Variants in BMX observed in about 807,000 individuals in gnomAD.
BMX encodes BMX non-receptor tyrosine kinase.
A neutral mutation model predicts 59.2 loss-of-function variants in BMX; 31 were observed. That is an observed-to-expected ratio of 0.52 (90% CI 0.39 to 0.71). BMX has a LOEUF of 0.71. Ranked by LOEUF, BMX falls within the 30% of genes least tolerant of loss-of-function variation. The pLI is 0.00. For missense variants in BMX, 474 were observed against 491.7 expected (o/e 0.96, Z 0.34); for synonymous variants, 185 against 181.0 (o/e 1.02, Z -0.18).
Position 15,556,233 on chromosome X carries a change from G to T in BMX, c.*86G>T. 2.3e-6 allele frequency: 2 copies of T among 871,651 alleles called. No homozygotes were observed. Among genetic ancestry groups the T allele is most frequent in the Non-Finnish European group, 3.2e-6 (2 of 626,567 alleles). The allele number at this position is 871,651 out of a possible 1,213,427, so 71.8% of individuals were successfully genotyped here. On this transcript the variant is annotated 3_prime_UTR_variant, in exon 19 of 19. Coordinates refer to ENST00000348343, the MANE Select transcript of BMX (RefSeq NM_203281.3). ...TTTAAGGAAAGTAGCAAGGCATAATGTAATTTAGCTAGTTTTTAATAGTGT... is the reference window on the plus strand; with the variant it reads ...TTTAAGGAAAGTAGCAAGGCATAATTTAATTTAGCTAGTTTTTAATAGTGT...
intron 12 of BMX, 107 bp downstream of exon 12, chrX:15,534,446 G>T: frequency 1.4e-6 from 1 of 723,249 alleles, no homozygotes; most frequent in Non-Finnish European, 1.8e-6. Flanking sequence ...AACCATGAAA[G>T]TAGGAAAAAA....
chrX:15,531,312 T>A lies in BMX; in HGVS notation c.940-16T>A, dbSNP rs1175005016. On this transcript the variant is annotated splice_polypyrimidine_tract_variant and intron_variant, in intron 10 of 18. Transcript: ENST00000348343. The stretch of plus-strand genomic sequence containing the variant: ...AAAATATTTTCTATTCCTTCTATAT[T>A]TTCCTTCCTTTTCAGGGAAAAGAAG... 2 of 1,168,409 alleles carry A rather than the reference T, an allele frequency of 1.7e-6. No homozygotes were observed. Among genetic ancestry groups the A allele is most frequent in the Admixed American group, 2.2e-5 (1 of 44,993 alleles).
chrX:15,519,847 A>G (rs778201722), intron 6 of BMX, among the ~76,000 whole-genome samples: 1 of 111,695 alleles, frequency 9.0e-6, no homozygotes, highest in East Asian at 2.8e-4. Flanking sequence ...TTCAACAACC[A>G]GCTCTCATGG....
Position 15,547,029 on chromosome X carries a change from C to T in BMX, c.1795+108C>T, listed in dbSNP as rs778055339. On this transcript the variant is annotated intron_variant, in intron 17 of 18. Coordinates refer to ENST00000348343, the MANE Select transcript of BMX (RefSeq NM_203281.3). The stretch of plus-strand genomic sequence containing the variant: ...TTTTAAAAGGGCCCTTGAACACTTA[C>T]GAAGTTACACATATAGCCTGAGAGA... 8.1e-6 allele frequency: 5 copies of T among 615,330 alleles called. No homozygotes were observed. The East Asian group carries it at 1.0e-4, about 13-fold the overall frequency. The allele number at this position is 615,330 out of a possible 1,213,427, so 50.7% of individuals were successfully genotyped here.
At position 15,522,519 on chromosome X, in the gene BMX, A is replaced by G; in HGVS notation, c.684A>G (p.Pro228=). ...CAAAGAAAATCTATGGCTCCCAGCC[A>G]AACTTCAACATGCAGTATATTCCAA... The part of the protein sequence containing the change: ...SNSKKIYGSQ[P]NFNMQYIPRE... Residue 228 remains proline (P), a synonymous_variant, in exon 7 of 19, where the codon CCA becomes CCG. Coordinates refer to ENST00000348343, the MANE Select transcript of BMX (RefSeq NM_203281.3). 8.2e-7 allele frequency: 1 copy of G among 1,212,247 alleles called. No individual in the cohort carries two copies. Among genetic ancestry groups the G allele is most frequent in the East Asian group, 3.0e-5 (1 of 33,837 alleles).
intron 18 of BMX, among the ~76,000 whole-genome samples, chrX:15,550,448 A>T (rs889979088): frequency 9.0e-6 from 1 of 110,779 alleles, no homozygotes; most frequent in African/African-American, 3.3e-5. Context: ...CGTAGAGAAC[A>T]CATAATGGAC....
chrX:15,501,421 C>T (rs1193848836), intron 1 of BMX, among the ~76,000 whole-genome samples: 1 of 112,223 alleles, frequency 8.9e-6, no homozygotes, highest in Non-Finnish European at 1.9e-5. Flanking sequence ...CTGAGGTCTC[C>T]CTAAATCAAG....
chrX:15,518,995 C>A (rs1297810221), intron 6 of BMX, among the ~76,000 whole-genome samples: 1 of 111,953 alleles, frequency 8.9e-6, no homozygotes, highest in African/African-American at 3.2e-5. Flanking sequence ...AGAAAACAAA[C>A]AAAACCTTGA....
intron 11 of BMX, 102 bp from the exon 12 acceptor site, chrX:15,534,110 C>A: frequency 2.5e-6 from 2 of 787,599 alleles, no homozygotes; most frequent in South Asian, 7.4e-5. Context: ...CCCTGACTTC[C>A]CTCTCCAAAA....
intron 14 of BMX, among the ~76,000 whole-genome samples, chrX:15,539,372 A>G (rs1314943420): frequency 8.9e-6 from 1 of 111,919 alleles, no homozygotes; most frequent in Non-Finnish European, 1.9e-5. Flanking sequence ...GCTGAAGCCT[A>G]TCATGTGGGG....
rs1276083449 is a variant in BMX at position 15,534,289 on chromosome X, G to A, written c.1097G>A (p.Cys366Tyr). ...ENKLYLAENY[C>Y]FDSIPKLIHY... is the part of the protein sequence containing the mutation. ...AAATTATACCTGGCAGAAAACTACT[G>A]TTTTGATTCCATTCCAAAGCTTATT... is the stretch of plus-strand genomic sequence containing the variant. The change falls in exon 12 of 19, where the codon TGT (cysteine) becomes TAT (tyrosine). Residue 366 changes from cysteine to tyrosine, a missense_variant. Physicochemically the swap from Cys to Tyr is radical, Grantham distance 194 (BLOSUM62 -2). Transcript: ENST00000348343. 8.3e-7 allele frequency: 1 copy of A among 1,197,769 alleles called. No homozygotes were observed. Among genetic ancestry groups the A allele is most frequent in the Admixed American group, 2.3e-5 (1 of 44,347 alleles).
chrX:15,553,522 G>A (rs1243456948), intron 18 of BMX, among the ~76,000 whole-genome samples: 4 of 111,925 alleles, frequency 3.6e-5, no homozygotes, highest in African/African-American at 1.3e-4. Context: ...GTTGTGTGTT[G>A]TCAGTAGGTG....
intron 7 of BMX, among the ~76,000 whole-genome samples, chrX:15,524,410 T>G (rs1466155064): frequency 1.8e-5 from 2 of 112,646 alleles, no homozygotes; most frequent in Admixed American, 1.9e-4. Context: ...TAGTGTTAAG[T>G]ACATTTACAT....
chrX:15,551,546 T>A (rs369832045), intron 18 of BMX, among the ~76,000 whole-genome samples: 5,228 of 107,070 alleles, frequency 0.049, 116 homozygotes, highest in African/African-American at 0.092. Flanking sequence ...TATATATATT[T>A]TTTTTTTTTT....
intron 1 of BMX, among the ~76,000 whole-genome samples, chrX:15,505,562 C>T (rs1413020076): frequency 8.9e-6 from 1 of 112,257 alleles, no homozygotes; most frequent in East Asian, 2.8e-4. Flanking sequence ...TTTTTCTTTT[C>T]CCTGTCTGTA....
At chrX:15,542,301 T>G in intron 15 of BMX, 103 bp downstream of exon 15, 1 of 726,574 alleles carries the variant, frequency 1.4e-6, no homozygotes, top group Non-Finnish European at 2.1e-6. Context: ...CACCATCACT[T>G]CTACTTTGCT....
chrX:15,527,444 G>T (rs912340582), intron 9 of BMX, among the ~76,000 whole-genome samples: 4 of 108,901 alleles, frequency 3.7e-5, no homozygotes, highest in Non-Finnish European at 7.6e-5. Flanking sequence ...GGCTATTAAG[G>T]TTCTTTCCAA....
intron 14 of BMX, 90 bp downstream of exon 14, chrX:15,537,395 A>C: frequency 1.0e-6 from 1 of 965,914 alleles, no homozygotes; most frequent in South Asian, 2.1e-5. Context: ...CAAGGCCTAG[A>C]GCAAAAGTCC....
chrX:15,520,059 G>T (rs1924371018), intron 6 of BMX, among the ~76,000 whole-genome samples: 1 of 112,028 alleles, frequency 8.9e-6, no homozygotes, highest in Non-Finnish European at 1.9e-5. Flanking sequence ...GGCAAGGAAA[G>T]ATTTTATCCT....
Sources: gnomAD v4.1 joint callset for allele counts (sites outside exome capture counted in the v4.1 genomes callset) on GRCh38, gnomAD v4.1.1 for gene constraint, MANE v1.5 for transcripts, NCBI Gene and HGNC (gene_info 2026-07-23, HGNC 2026-07-21) for gene names.